RASGEF1B: variants seen among roughly 807,000 people sequenced by gnomAD.
RASGEF1B encodes ras-GEF domain-containing family member 1B.
RASGEF1B carries 30 observed loss-of-function variants against 65.7 expected under a neutral mutation model. The ratio of observed to expected loss-of-function variants is 0.46; its 90% CI spans 0.34 to 0.62. RASGEF1B has a LOEUF of 0.62. RASGEF1B is among the 20% of genes least tolerant of loss of function. RASGEF1B has a pLI of 0.01. For missense variants in RASGEF1B, 495 were observed against 580.1 expected, an observed-to-expected ratio of 0.85 and a Z score of 1.51; for synonymous variants, 175 against 194.8, an observed-to-expected ratio of 0.90 and a Z score of 0.85.
intron 13 of RASGEF1B, among the ~76,000 whole-genome samples, chr4:81,431,658 C>A (rs1166968745): frequency 6.6e-6 from 1 of 152,154 alleles, no homozygotes; most frequent in Non-Finnish European, 1.5e-5. Context: ...AAAAGGTATA[C>A]ATTCTGAGTT....
At position 81,426,490 on chromosome 4, in the gene RASGEF1B, C is replaced by T. The variant is rs1171923297; in HGVS notation, c.*1278G>A. On this transcript the variant is annotated 3_prime_UTR_variant, in exon 14 of 14. Transcript: ENST00000264400. ...ATGATGCACAGCATACATACATGCT[C>T]TAGTTTTTGGAACCATGTCATTAAG... 1 of 152,168 alleles carries T rather than the reference C, an allele frequency of 6.6e-6. No homozygotes were observed. 9.4% of individuals were successfully genotyped at this position (152,168 alleles called of 1,614,324 possible).
At chr4:81,469,699 C>T (rs1722959217) in intron 1 of RASGEF1B, among the ~76,000 whole-genome samples, 1 of 151,502 alleles carries the variant, frequency 6.6e-6, no homozygotes, top group Non-Finnish European at 1.5e-5. Context: ...AGATGCTAAG[C>T]TGTAGGGGGT....
chr4:81,449,640 G>A (rs959485203), intron 4 of RASGEF1B, among the ~76,000 whole-genome samples: 2 of 152,072 alleles, frequency 1.3e-5, no homozygotes, highest in African/African-American at 4.8e-5. Flanking sequence ...ATGTAGAAAG[G>A]CCTATGTTTA....
chr4:81,464,151 C>T (rs1722732939), intron 1 of RASGEF1B, among the ~76,000 whole-genome samples: 1 of 152,226 alleles, frequency 6.6e-6, no homozygotes, highest in African/African-American at 2.4e-5. Context: ...AAACTCTCAA[C>T]TTACTCCTCT....
chr4:81,449,814 C>T (rs1390382169), intron 4 of RASGEF1B, among the ~76,000 whole-genome samples: 1 of 152,130 alleles, frequency 6.6e-6, no homozygotes, highest in Non-Finnish European at 1.5e-5. Context: ...GAGATATTTG[C>T]TTATGAGGAG....
At chr4:81,463,993 G>A (rs1326710440) in intron 1 of RASGEF1B, among the ~76,000 whole-genome samples, 1 of 152,180 alleles carries the variant, frequency 6.6e-6, no homozygotes, top group Non-Finnish European at 1.5e-5. Flanking sequence ...AATTTCTCCA[G>A]GGGAAGAAAG....
intron 9 of RASGEF1B, 90 bp from the exon 10 acceptor site, chr4:81,441,019 A>G (rs993272055): frequency 1.2e-6 from 1 of 817,562 alleles, no homozygotes; most frequent in Non-Finnish European, 2.0e-6. Context: ...GCTATATACA[A>G]AATTCAAAAT....
chr4:81,432,959 A>G (rs1328478864), intron 12 of RASGEF1B, among the ~76,000 whole-genome samples: 1 of 151,906 alleles, frequency 6.6e-6, no homozygotes, highest in African/African-American at 2.4e-5. Flanking sequence ...GTGTGGTGGC[A>G]TAATCTCAGC....
At chr4:81,436,606 T>TA (rs1452237972) in intron 10 of RASGEF1B, among the ~76,000 whole-genome samples, 3 of 152,210 alleles carry the variant, frequency 2.0e-5, no homozygotes, top group Non-Finnish European at 2.9e-5. Context: ...TTAAAGATCC[T>TA]AAATTTCCTA....
chr4:81,431,707 T>A (rs988786925), intron 13 of RASGEF1B, among the ~76,000 whole-genome samples: 2 of 152,236 alleles, frequency 1.3e-5, no homozygotes, highest in Admixed American at 6.5e-5. Context: ...TTGATTATAT[T>A]ATACCCTGGG....
At chr4:81,443,591 GTTAC>G (rs1194684133) in intron 8 of RASGEF1B, among the ~76,000 whole-genome samples, 1 of 152,150 alleles carries the variant, frequency 6.6e-6, no homozygotes, top group Non-Finnish European at 1.5e-5. Flanking sequence ...ATTAATCCAT[GTTAC>G]TTATATGTAT....
chr4:81,461,423 G>T (rs149743853), intron 1 of RASGEF1B, among the ~76,000 whole-genome samples: 1 of 152,318 alleles, frequency 6.6e-6, no homozygotes, highest in East Asian at 1.9e-4. Context: ...CATGCCCTTG[G>T]AATTGGGATT....
At chr4:81,443,848 G>A (rs982725057) in intron 8 of RASGEF1B, among the ~76,000 whole-genome samples, 18 of 152,112 alleles carry the variant, frequency 1.2e-4, no homozygotes, top group Admixed American at 3.9e-4. Context: ...AGAAATTGCT[G>A]AACAGTTTTC....
At chr4:81,449,453 T>A (rs1722170105) in intron 4 of RASGEF1B, among the ~76,000 whole-genome samples, 1 of 152,228 alleles carries the variant, frequency 6.6e-6, no homozygotes, top group South Asian at 2.1e-4. Flanking sequence ...AGGGCACAGC[T>A]ATGATATAAG....
chr4:81,449,034 G>A (rs533501213), intron 4 of RASGEF1B, among the ~76,000 whole-genome samples: 20 of 151,990 alleles, frequency 1.3e-4, no homozygotes, highest in South Asian at 8.3e-4. Context: ...GGCTGGTCTC[G>A]AACTCCTGAC....
At chr4:81,434,057 A>C (rs1399387993) in intron 11 of RASGEF1B, 94 bp from the exon 12 acceptor site, 1 of 1,111,972 alleles carries the variant, frequency 9.0e-7, no homozygotes, top group Non-Finnish European at 1.3e-6. Context: ...ATTCCTTCTT[A>C]TTTTATTAAG....
intron 6 of RASGEF1B, among the ~76,000 whole-genome samples, chr4:81,446,624 TC>T (rs1722031547): frequency 6.6e-6 from 1 of 151,972 alleles, no homozygotes; most frequent in Admixed American, 6.5e-5. Context: ...ACTAAGTATC[TC>T]CCAAGTAGAT....
chr4:81,461,460 C>T (rs563085063), intron 1 of RASGEF1B, among the ~76,000 whole-genome samples: 3 of 152,290 alleles, frequency 2.0e-5, no homozygotes, highest in Admixed American at 6.5e-5. Context: ...CACACATTTT[C>T]CTTCATTGGA....
chr4:81,447,274 T>C (rs1722059674), intron 6 of RASGEF1B, among the ~76,000 whole-genome samples: 1 of 151,904 alleles, frequency 6.6e-6, no homozygotes, highest in South Asian at 2.1e-4. Context: ...AATTTCCCAA[T>C]AAGGAGGAAG....
Sources: allele counts gnomAD v4.1 joint callset (sites outside exome capture counted in the v4.1 genomes callset), GRCh38; gene constraint gnomAD v4.1.1; transcripts MANE v1.5; gene names NCBI Gene and HGNC (gene_info 2026-07-23, HGNC 2026-07-21).